The following DYRK1A variants were observed in gnomAD, a reference collection of about 807,000 sequenced individuals.
The protein encoded by DYRK1A is dual specificity tyrosine-phosphorylation-regulated kinase 1A.
DYRK1A carries 9 observed loss-of-function variants against 79.7 expected under a neutral mutation model. The ratio of observed to expected loss-of-function variants is 0.11; its 90% confidence interval spans 0.07 to 0.20. The LOEUF is 0.20. Ranked by LOEUF, DYRK1A falls within the 10% of genes least tolerant of loss-of-function variation. The pLI is 1.00. For missense variants in DYRK1A, 622 were observed against 956.0 expected, an observed-to-expected ratio of 0.65 and a Z score of 4.61; for synonymous variants, 349 against 329.7, an observed-to-expected ratio of 1.06 and a Z score of -0.63.
chr21:37,418,263 A>G (rs2050396240), intron 1 of DYRK1A, among the ~76,000 whole-genome samples: 1 of 152,204 alleles, frequency 6.6e-6, no homozygotes, highest in Non-Finnish European at 1.5e-5. Context: ...TGGTTGCTGT[A>G]TAAGTCAGCA....
At chr21:37,368,211 G>C (rs2148348054) in intron 1 of DYRK1A, 1 of 152,292 alleles carries the variant, frequency 6.6e-6, no homozygotes, top group Non-Finnish European at 1.5e-5. Flanking sequence ...AGTTGGGCGG[G>C]GAGCGCGAGT....
At chr21:37,370,689 C>T (rs554653893) in intron 1 of DYRK1A, among the ~76,000 whole-genome samples, 1 of 152,240 alleles carries the variant, frequency 6.6e-6, no homozygotes, top group East Asian at 1.9e-4. Context: ...TCCTCATCCC[C>T]AAAGTTGTGT....
At chr21:37,452,709 C>T (rs1474687975) in intron 2 of DYRK1A, among the ~76,000 whole-genome samples, 1 of 150,780 alleles carries the variant, frequency 6.6e-6, no homozygotes, top group Non-Finnish European at 1.5e-5. Flanking sequence ...CCCTCTTTTC[C>T]CTGCGCTCTT....
intron 8 of DYRK1A, among the ~76,000 whole-genome samples, chr21:37,494,589 G>T (rs1420757143): frequency 6.6e-6 from 1 of 151,648 alleles, no homozygotes; most frequent in Non-Finnish European, 1.5e-5. Flanking sequence ...CCCCACTTAC[G>T]GTTGCAGTAC....
rs942766101 is a variant in DYRK1A, at chr21:37,519,170, A to G, written c.*6639A>G. On this transcript the variant is annotated 3_prime_UTR_variant, in exon 12 of 12. Transcript: ENST00000647188. The stretch of plus-strand genomic sequence containing the variant: ...TGAGAATGGCACATGTTATTTCCCA[A>G]CAGTGGGAATGGAATTAGTTCCTTT... The G allele has an allele frequency of 6.6e-6, 1 of 152,192 alleles. No individual in the cohort carries two copies. The highest frequency in any genetic ancestry group is 6.5e-5 in the Admixed American group (1 of 15,274). The allele number at this position is 152,192 out of a possible 1,614,324, so 9.4% of individuals were successfully genotyped here. A position where few individuals can be genotyped will look rare whatever the true frequency, so the allele number is the denominator to read the frequency against.
intron 4 of DYRK1A, among the ~76,000 whole-genome samples, chr21:37,479,606 G>GGTTTTTTTTTTT (rs2052536883): frequency 3.6e-5 from 1 of 27,594 alleles, no homozygotes; most frequent in Non-Finnish European, 6.9e-5. Context: ...TTTTGTTTTT[G>GGTTTTTTTTTTT]TTTTTGTTTT....
intron 1 of DYRK1A, among the ~76,000 whole-genome samples, chr21:37,389,705 G>GGT (rs904731188): frequency 2.0e-5 from 3 of 152,002 alleles, no homozygotes; most frequent in African/African-American, 7.2e-5. Context: ...TCTTTGCGAG[G>GGT]GTGAGGCTTG....
chr21:37,376,251 T>A (rs979941672), intron 1 of DYRK1A, among the ~76,000 whole-genome samples: 1 of 152,174 alleles, frequency 6.6e-6, no homozygotes, highest in African/African-American at 2.4e-5. Context: ...GGCTCATGCC[T>A]GTAATCGCAG....
chr21:37,369,070 T>C (rs1569271154), intron 1 of DYRK1A, among the ~76,000 whole-genome samples: 1 of 152,256 alleles, frequency 6.6e-6, no homozygotes, highest in Non-Finnish European at 1.5e-5. Context: ...TAGTCATTTT[T>C]TGAGTATTGA....
At chr21:37,412,743 G>A (rs1292488087) in intron 1 of DYRK1A, among the ~76,000 whole-genome samples, 1 of 152,132 alleles carries the variant, frequency 6.6e-6, no homozygotes, top group Non-Finnish European at 1.5e-5. Context: ...TGAAAGAATG[G>A]TGGTGCGGGA....
intron 8 of DYRK1A, among the ~76,000 whole-genome samples, chr21:37,495,737 A>C (rs1419171563): frequency 1.5e-5 from 2 of 137,620 alleles, no homozygotes; most frequent in Admixed American, 1.4e-4. Context: ...GGCTGCAGTG[A>C]GCTCTGAGTG....
At chr21:37,440,429 G>T (rs1242197860) in intron 2 of DYRK1A, among the ~76,000 whole-genome samples, 4 of 151,946 alleles carry the variant, frequency 2.6e-5, no homozygotes, top group Non-Finnish European at 4.4e-5. Flanking sequence ...GAGCCACTGC[G>T]CCCAGCTTCA....
intron 2 of DYRK1A, among the ~76,000 whole-genome samples, chr21:37,454,942 A>G (rs1479040618): frequency 1.3e-5 from 2 of 149,910 alleles, no homozygotes; most frequent in Non-Finnish European, 3.0e-5. Flanking sequence ...TATATTCCTG[A>G]GTGTGCTGTG....
chr21:37,400,807 A>G (rs183282621), intron 1 of DYRK1A, among the ~76,000 whole-genome samples: 2 of 152,332 alleles, frequency 1.3e-5, no homozygotes, highest in Admixed American at 6.5e-5. Flanking sequence ...AGCCAAAAAT[A>G]TACTATGATT....
intron 2 of DYRK1A, among the ~76,000 whole-genome samples, chr21:37,463,256 C>G (rs1409026192): frequency 7.3e-6 from 1 of 136,878 alleles, no homozygotes; most frequent in Non-Finnish European, 1.6e-5. Flanking sequence ...CACATATTGG[C>G]CACTAGAGGG....
chr21:37,374,343 T>C (rs891229057), intron 1 of DYRK1A, among the ~76,000 whole-genome samples: 1 of 149,408 alleles, frequency 6.7e-6, no homozygotes, highest in African/African-American at 2.5e-5. Context: ...ACATTTACTA[T>C]CTAGTATGTT....
At chr21:37,459,666 A>G (rs1409995625) in intron 2 of DYRK1A, among the ~76,000 whole-genome samples, 1 of 152,178 alleles carries the variant, frequency 6.6e-6, no homozygotes, top group African/African-American at 2.4e-5. Flanking sequence ...TCTGATTTCT[A>G]TGTAACGTTC....
At chr21:37,380,655 GA>G (rs1274354127) in intron 1 of DYRK1A, among the ~76,000 whole-genome samples, 1 of 151,952 alleles carries the variant, frequency 6.6e-6, no homozygotes, top group Non-Finnish European at 1.5e-5. Flanking sequence ...AAAGAATAAG[GA>G]AAGTTCACTT....
intron 3 of DYRK1A, among the ~76,000 whole-genome samples, chr21:37,475,537 T>G (rs2052366141): frequency 6.6e-6 from 1 of 152,248 alleles, no homozygotes. Context: ...GAAATCACAA[T>G]GAAAGCATAG....
Sources: gnomAD v4.1 joint callset for allele counts (sites outside exome capture counted in the v4.1 genomes callset) on GRCh38, gnomAD v4.1.1 for gene constraint, MANE v1.5 for transcripts, NCBI Gene and HGNC (gene_info 2026-07-23, HGNC 2026-07-21) for gene names.